The following FOXP1 variants were observed in gnomAD, a reference collection of about 807,000 sequenced individuals.
FOXP1 encodes forkhead box P1, also known as forkhead box protein P1.
In FOXP1, 15 loss-of-function variants were observed where a neutral mutation model predicts 98.2. The ratio of observed to expected loss-of-function variants is 0.15; its 90% confidence interval spans 0.10 to 0.24. FOXP1 has a LOEUF of 0.24. FOXP1 is among the 10% of genes least tolerant of loss of function. The pLI, the probability that FOXP1 is intolerant of heterozygous loss-of-function variation, is 1.00. For synonymous variants in FOXP1, 371 were observed against 314.5 expected, an observed-to-expected ratio of 1.18 and a Z score of -1.90; for missense variants, 633 against 848.5, an observed-to-expected ratio of 0.75 and a Z score of 3.15.
intron 17 of FOXP1, among the ~76,000 whole-genome samples, chr3:70,973,675 T>G (rs1383413292): frequency 2.6e-5 from 4 of 152,150 alleles, no homozygotes; most frequent in African/African-American, 7.2e-5. Flanking sequence ...CTAAAGAGAT[T>G]CAGGTCATTT....
intron 5 of FOXP1, among the ~76,000 whole-genome samples, chr3:71,276,577 C>G (rs1380193919): frequency 6.6e-6 from 1 of 152,146 alleles, no homozygotes; most frequent in African/African-American, 2.4e-5. Context: ...TGACTGCTGC[C>G]TAATTTTAAC....
chr3:71,160,646 TC>T (rs2061089552), intron 6 of FOXP1, among the ~76,000 whole-genome samples: 1 of 152,230 alleles, frequency 6.6e-6, no homozygotes, highest in Non-Finnish European at 1.5e-5. Flanking sequence ...TCAGTTGCAC[TC>T]ACATTTCAGG....
At chr3:71,437,417 C>G (rs568459316) in intron 3 of FOXP1, among the ~76,000 whole-genome samples, 1 of 152,136 alleles carries the variant, frequency 6.6e-6, no homozygotes, top group Admixed American at 6.5e-5. Context: ...AAAAGCAAAA[C>G]AAAACAAAAC....
intron 3 of FOXP1, among the ~76,000 whole-genome samples, chr3:71,423,170 G>A (rs964529971): frequency 1.1e-4 from 16 of 152,178 alleles, no homozygotes; most frequent in Non-Finnish European, 1.5e-5. Context: ...CTCACTGAGG[G>A]TGAATTTATG....
intron 5 of FOXP1, among the ~76,000 whole-genome samples, chr3:71,272,873 G>C (rs1337743660): frequency 6.6e-6 from 1 of 152,106 alleles, no homozygotes; most frequent in Non-Finnish European, 1.5e-5. Context: ...GGAAAGCTCA[G>C]GTCTAGCTTA....
chr3:71,502,077 C>T (rs77870976), intron 2 of FOXP1, among the ~76,000 whole-genome samples: 1 of 152,200 alleles, frequency 6.6e-6, no homozygotes, highest in Non-Finnish European at 1.5e-5. Flanking sequence ...CCACTTGGCA[C>T]CCTATCTATA....
rs578198812 is a variant in FOXP1, at chr3:71,239,318, C to T, written c.-11-40926G>A. Among the ~76,000 whole-genome samples, 4 of 152,228 alleles carry T rather than the reference C, an allele frequency of 2.6e-5. No homozygotes were observed. In the South Asian group the frequency reaches 6.2e-4, roughly 24 times the overall value. ...CAGCACTTTGGGAGGCCGAGGTAGG[C>T]AGATCACGAGGTCAGGAGATCGAGA... On this transcript the variant is annotated intron_variant, in intron 5 of 20. Transcript: ENST00000649528.
intron 11 of FOXP1, among the ~76,000 whole-genome samples, chr3:71,022,593 G>C (rs926280709): frequency 6.6e-6 from 1 of 152,168 alleles, no homozygotes; most frequent in Non-Finnish European, 1.5e-5. Context: ...TAAATGGAGT[G>C]TAACTGTTCC....
intron 5 of FOXP1, chr3:71,210,812 T>C (rs568130751): frequency 1.3e-5 from 2 of 152,370 alleles, no homozygotes; most frequent in African/African-American, 4.8e-5. Flanking sequence ...TGTCCTGGTA[T>C]CCTCACTGTC....
intron 14 of FOXP1, among the ~76,000 whole-genome samples, chr3:70,979,201 G>C (rs1355981312): frequency 1.4e-5 from 2 of 139,294 alleles, no homozygotes; most frequent in Non-Finnish European, 3.0e-5. Context: ...AAGATAGCTT[G>C]AGTCTGGGAG....
At chr3:71,338,941 A>T (rs1214684814) in intron 4 of FOXP1, among the ~76,000 whole-genome samples, 4 of 152,240 alleles carry the variant, frequency 2.6e-5, no homozygotes, top group Non-Finnish European at 4.4e-5. Flanking sequence ...ATGCCTATCT[A>T]GCAAAGAACA....
chr3:71,265,376 G>A (rs2069539647), intron 5 of FOXP1, among the ~76,000 whole-genome samples: 1 of 152,188 alleles, frequency 6.6e-6, no homozygotes, highest in South Asian at 2.1e-4. Context: ...AAGAACTGAT[G>A]TAAAGAATGG....
intron 3 of FOXP1, among the ~76,000 whole-genome samples, chr3:71,432,591 A>G (rs2084819905): frequency 6.6e-6 from 1 of 152,066 alleles, no homozygotes; most frequent in Non-Finnish European, 1.5e-5. Context: ...GGCTGGCTCC[A>G]GTGTCTCAGT....
At chr3:71,385,376 T>C (rs571332801) in intron 3 of FOXP1, among the ~76,000 whole-genome samples, 1 of 152,300 alleles carries the variant, frequency 6.6e-6, no homozygotes, top group East Asian at 1.9e-4. Flanking sequence ...TTGAGGGGTA[T>C]AAAATTCTGC....
intron 6 of FOXP1, among the ~76,000 whole-genome samples, chr3:71,168,681 A>G (rs1214772419): frequency 6.6e-6 from 1 of 152,266 alleles, no homozygotes; most frequent in African/African-American, 2.4e-5. Context: ...CACTCTTGGT[A>G]GAGCCATTTC....
chr3:71,570,346 C>T (rs1380353742), intron 2 of FOXP1: 1 of 150,886 alleles, frequency 6.6e-6, no homozygotes, highest in African/African-American at 2.4e-5. Context: ...ATTTTGAAAA[C>T]TTTTTTCTGA....
chr3:71,167,447 A>T (rs1031891606), intron 6 of FOXP1, among the ~76,000 whole-genome samples: 1 of 152,184 alleles, frequency 6.6e-6, no homozygotes, highest in Non-Finnish European at 1.5e-5. Flanking sequence ...GCACGTGTGA[A>T]TTTTCAGAGA....
chr3:71,067,420 T>C lies in FOXP1; in HGVS notation c.283-13647A>G, dbSNP rs1229692937. Among the ~76,000 whole-genome samples the C allele has an allele frequency of 2.6e-5, 4 of 152,294 alleles. No individual in the cohort carries two copies. The East Asian group carries it at 7.7e-4, about 29-fold the overall frequency. On this transcript the variant is annotated intron_variant, in intron 7 of 20. Coordinates refer to ENST00000649528, the MANE Select transcript of FOXP1 (RefSeq NM_001349338.3). ...AACTCAGAAGACTTCGTTAAAACCA[T>C]TTATTAATCACTGTGAGCACCAGGT...
chr3:71,043,174 G>A (rs1000268482), intron 10 of FOXP1, among the ~76,000 whole-genome samples: 1 of 152,144 alleles, frequency 6.6e-6, no homozygotes, highest in East Asian at 1.9e-4. Context: ...TTATAAAGGA[G>A]GCTTCAAATG....
Sources: allele counts gnomAD v4.1 joint callset (sites outside exome capture counted in the v4.1 genomes callset), GRCh38; gene constraint gnomAD v4.1.1; transcripts MANE v1.5; gene names NCBI Gene and HGNC (gene_info 2026-07-23, HGNC 2026-07-21).